The following CCSER1 variants were observed in gnomAD, a reference collection of about 807,000 sequenced individuals.
CCSER1 encodes coiled-coil serine rich protein 1, also known as serine-rich coiled-coil domain-containing protein 1.
In CCSER1, 41 loss-of-function variants were observed where a neutral mutation model predicts 82.0. The observed-to-expected ratio is 0.50, with a 90% CI of 0.39 to 0.65. The LOEUF is 0.65. Among genes scored for constraint, CCSER1 ranks in the 30% least tolerant of loss-of-function variants. CCSER1 has a pLI of 0.00. For missense variants in CCSER1, 1,119 were observed against 1,064.2 expected (o/e 1.05, Z -0.72); for synonymous variants, 414 against 383.9 (o/e 1.08, Z -0.92).
At chr4:90,419,722 T>A (rs1282748893) in intron 4 of CCSER1, among the ~76,000 whole-genome samples, 1 of 151,876 alleles carries the variant, frequency 6.6e-6, no homozygotes, top group Non-Finnish European at 1.5e-5. Context: ...TTATTGTAGT[T>A]CTTAATCATC....
intron 4 of CCSER1, among the ~76,000 whole-genome samples, chr4:90,466,509 A>G (rs1245348025): frequency 6.6e-6 from 1 of 152,242 alleles, no homozygotes; most frequent in Admixed American, 6.5e-5. Flanking sequence ...ATAAGAGCCC[A>G]GATTCATTGA....
At chr4:90,343,615 C>G (rs916909576) in intron 3 of CCSER1, among the ~76,000 whole-genome samples, 16 of 151,916 alleles carry the variant, frequency 1.1e-4, no homozygotes, top group Non-Finnish European at 2.1e-4. Context: ...GACCCTGTCC[C>G]AAAAAACAAA....
chr4:90,399,766 T>C (rs1561166829), intron 3 of CCSER1, among the ~76,000 whole-genome samples: 1 of 152,084 alleles, frequency 6.6e-6, no homozygotes, highest in African/African-American at 2.4e-5. Flanking sequence ...TGTACTTCCA[T>C]TTAATTATAA....
At chr4:90,796,839 T>A (rs968602198) in intron 7 of CCSER1, among the ~76,000 whole-genome samples, 1 of 152,214 alleles carries the variant, frequency 6.6e-6, no homozygotes, top group African/African-American at 2.4e-5. Context: ...TGTACTGTGG[T>A]TCAAGACATT....
intron 3 of CCSER1, among the ~76,000 whole-genome samples, chr4:90,389,436 A>G (rs946505487): frequency 1.2e-4 from 18 of 152,260 alleles, no homozygotes; most frequent in Admixed American, 9.2e-4. Context: ...CCAACATATT[A>G]TAAAAAATGA....
chr4:91,558,559 C>T (rs1456638929), intron 10 of CCSER1, among the ~76,000 whole-genome samples: 2 of 151,676 alleles, frequency 1.3e-5, no homozygotes, highest in South Asian at 2.1e-4. Context: ...CTGATAAAGG[C>T]ATACCTGAGA....
intron 8 of CCSER1, among the ~76,000 whole-genome samples, chr4:90,821,662 A>C (rs937312081): frequency 2.6e-5 from 4 of 152,166 alleles, no homozygotes; most frequent in Non-Finnish European, 5.9e-5. Flanking sequence ...CTTAATCATA[A>C]TTAATTATAA....
At chr4:90,903,124 A>G (rs190846500) in intron 8 of CCSER1, among the ~76,000 whole-genome samples, 3 of 152,242 alleles carry the variant, frequency 2.0e-5, no homozygotes, top group Non-Finnish European at 2.9e-5. Context: ...AATAAATTCA[A>G]AGAAATCAAA....
At chr4:91,530,927 T>C (rs573739042) in intron 10 of CCSER1, among the ~76,000 whole-genome samples, 21 of 152,194 alleles carry the variant, frequency 1.4e-4, no homozygotes, top group African/African-American at 4.8e-4. Flanking sequence ...CCTCAGGTGA[T>C]CCACCTGCCT....
intron 9 of CCSER1, among the ~76,000 whole-genome samples, chr4:90,963,575 G>A (rs114235740): frequency 0.011 from 1,684 of 152,066 alleles, 31 homozygotes; most frequent in African/African-American, 0.039. Flanking sequence ...CATGACTGGT[G>A]TCCTTGTAAG....
At chr4:90,369,989 G>A (rs1025804546) in intron 3 of CCSER1, 2 of 151,942 alleles carry the variant, frequency 1.3e-5, no homozygotes, top group African/African-American at 4.8e-5. Context: ...TTTAATACTA[G>A]GAGTTTTACC....
intron 1 of CCSER1, among the ~76,000 whole-genome samples, chr4:90,266,339 T>C (rs900034469): frequency 1.3e-5 from 2 of 152,184 alleles, no homozygotes; most frequent in African/African-American, 2.4e-5. Context: ...AAATGTTTTC[T>C]CTGTATTGTA....
At chr4:90,957,090 T>TTTCTTTCC (rs1157225991) in intron 9 of CCSER1, among the ~76,000 whole-genome samples, 2 of 145,628 alleles carry the variant, frequency 1.4e-5, no homozygotes, top group African/African-American at 5.1e-5. Flanking sequence ...CTGATATTTC[T>TTTCTTTCC]TTCTTTCCTT....
intron 3 of CCSER1, among the ~76,000 whole-genome samples, chr4:90,353,410 G>T (rs1743858607): frequency 6.6e-6 from 1 of 152,054 alleles, no homozygotes; most frequent in African/African-American, 2.4e-5. Context: ...AGTCACTCAA[G>T]AAGTTTTCAG....
chr4:90,947,861 A>G (rs1354067443), intron 9 of CCSER1, among the ~76,000 whole-genome samples: 3 of 152,084 alleles, frequency 2.0e-5, no homozygotes, highest in Middle Eastern at 3.2e-3. Context: ...GAAATAGATA[A>G]TTTGCATCAA....
intron 10 of CCSER1, among the ~76,000 whole-genome samples, chr4:91,593,434 A>C (rs1009037255): frequency 4.0e-5 from 6 of 149,282 alleles, no homozygotes; most frequent in Non-Finnish European, 6.0e-5. Context: ...TAATGAAATA[A>C]ATATTTTTAA....
At chr4:90,128,502 T>A (rs1209213967) in intron 1 of CCSER1, among the ~76,000 whole-genome samples, 27 of 151,304 alleles carry the variant, frequency 1.8e-4, no homozygotes, top group African/African-American at 6.1e-4. Flanking sequence ...TGCGTGTGTG[T>A]GTGTGTGTGT....
At chr4:91,424,211 G>T (rs1753844840) in intron 10 of CCSER1, among the ~76,000 whole-genome samples, 1 of 150,656 alleles carries the variant, frequency 6.6e-6, no homozygotes, top group Non-Finnish European at 1.5e-5. Context: ...TAGAGACGGG[G>T]TTTCACCTTG....
intron 9 of CCSER1, 26 bp from the exon 10 acceptor site, chr4:91,085,924 T>A: frequency 7.5e-7 from 1 of 1,327,322 alleles, no homozygotes; most frequent in Non-Finnish European, 1.1e-6. Flanking sequence ...TTGCCAATAA[T>A]AATATACTTT....
Sources: allele counts gnomAD v4.1 joint callset (sites outside exome capture counted in the v4.1 genomes callset), GRCh38; gene constraint gnomAD v4.1.1; transcripts MANE v1.5; gene names NCBI Gene and HGNC (gene_info 2026-07-23, HGNC 2026-07-21).